The following PLXNA4 variants were observed in gnomAD, a reference collection of about 807,000 sequenced individuals.
PLXNA4 encodes the protein plexin-A4.
Under a neutral mutation model 191.8 loss-of-function variants are expected in PLXNA4, and 44 were observed. The ratio of observed to expected loss-of-function variants is 0.23; its 90% CI spans 0.18 to 0.29. The LOEUF (loss-of-function observed/expected upper bound fraction) is 0.29, where lower values mean the gene tolerates loss of function less well. PLXNA4 is among the 10% of genes least tolerant of loss of function. The probability of loss-of-function intolerance (pLI) is 1.00; values close to 1 mark genes in which losing one functional copy is unlikely to be tolerated. For missense variants in PLXNA4, 1,800 were observed against 2,488.8 expected (o/e 0.72, Z 5.89); for synonymous variants, 1,082 against 1,009.5 (o/e 1.07, Z -1.36).
At chr7:132,350,893 A>T (rs908666375) in intron 3 of PLXNA4, among the ~76,000 whole-genome samples, 2 of 152,264 alleles carry the variant, frequency 1.3e-5, no homozygotes, top group South Asian at 4.1e-4. Context: ...GCAAAAGTCC[A>T]TCAGATAAAG....
At chr7:132,501,118 T>C (rs1399475378) in intron 2 of PLXNA4, among the ~76,000 whole-genome samples, 1 of 151,880 alleles carries the variant, frequency 6.6e-6, no homozygotes, top group East Asian at 1.9e-4. Flanking sequence ...GAGAGAGAAA[T>C]CTCATTGTAC....
chr7:132,128,431 A>C lies in PLXNA4; in HGVS notation c.*2048T>G, dbSNP rs1034892539. 2.0e-5 allele frequency: 3 copies of C among 152,130 alleles called. No homozygotes were observed. Among genetic ancestry groups the C allele is most frequent in the Non-Finnish European group, 2.9e-5 (2 of 68,056 alleles). The allele number at this position is 152,130 out of a possible 1,614,324, so 9.4% of individuals were successfully genotyped here. ...CGGCAGGCGACCACCCTGATTTCCTATGGACAAGCGCCCTCTCCTTCCACC... is the reference window on the plus strand; with the variant it reads ...CGGCAGGCGACCACCCTGATTTCCTCTGGACAAGCGCCCTCTCCTTCCACC... On this transcript the variant is annotated 3_prime_UTR_variant, in exon 32 of 32. Transcript: ENST00000321063.
intron 3 of PLXNA4, among the ~76,000 whole-genome samples, chr7:132,326,503 C>A (rs1008257049): frequency 5.3e-5 from 8 of 152,036 alleles, no homozygotes; most frequent in African/African-American, 1.9e-4. Flanking sequence ...CTACTCTTGC[C>A]CCTGCTCATT....
intron 3 of PLXNA4, among the ~76,000 whole-genome samples, chr7:132,307,856 G>A (rs1195246234): frequency 1.3e-5 from 2 of 152,140 alleles, no homozygotes; most frequent in African/African-American, 4.8e-5. Context: ...CTGCAAGAGT[G>A]TAAACAATAA....
In PLXNA4 at chr7:132,624,213, C is replaced by T. The variant is rs576486070; in HGVS notation, c.-87+21715G>A. Among the ~76,000 whole-genome samples the T allele has an allele frequency of 7.5e-4, 114 of 152,286 alleles. 1 individual carries two copies. The Middle Eastern group carries it at 0.01, about 14-fold the overall frequency. ...ACCACATCTTCAGGCTCCAAGTACC[C>T]GGGCTCTTTATCCTACCCTCACTGC... On this transcript the variant is annotated intron_variant, in intron 2 of 4. Coordinates refer to the PLXNA4 transcript ENST00000378539.
intron 4 of PLXNA4, among the ~76,000 whole-genome samples, chr7:132,290,188 A>G (rs1053679582): frequency 6.6e-6 from 1 of 152,240 alleles, no homozygotes; most frequent in Non-Finnish European, 1.5e-5. Context: ...AGGACACCAT[A>G]AAAGATGGCT....
At chr7:132,580,199 A>AT (rs1416819021), upstream of PLXNA4, among the ~76,000 whole-genome samples, 10 of 152,070 alleles carry the variant, frequency 6.6e-5, no homozygotes, top group Non-Finnish European at 1.0e-4. Flanking sequence ...GTATCTTTTT[A>AT]TTTTTTTCAA....
At chr7:132,488,837 T>C (rs2117525353) in intron 3 of PLXNA4, among the ~76,000 whole-genome samples, 1 of 152,312 alleles carries the variant, frequency 6.6e-6, no homozygotes, top group Middle Eastern at 3.4e-3. Context: ...TTTGCAACTT[T>C]AATAGGTCTG....
In PLXNA4 at chr7:132,434,084, C is replaced by T. The variant is rs867334089; in HGVS notation, c.1371+55208G>A. ...GGCTGGTCTGCCCACCACTGCGCAG[C>T]CTTGCCTGACTCCAAGGACGCTTCC... On this transcript the variant is annotated intron_variant, in intron 3 of 31. Transcript: ENST00000321063. Among the ~76,000 whole-genome samples the T allele has an allele frequency of 6.9e-4, 105 of 152,352 alleles. 3 individuals carry two copies. The highest frequency in any genetic ancestry group is 2.2e-3 in the African/African-American group (93 of 41,584).
At chr7:132,203,161 A>G (rs953164500) in intron 11 of PLXNA4, among the ~76,000 whole-genome samples, 162 bp downstream of exon 11, 3 of 152,170 alleles carry the variant, frequency 2.0e-5, no homozygotes, top group Admixed American at 6.5e-5. Context: ...GTAACCTAGA[A>G]GCACAGATGG....
At position 132,444,517 on chromosome 7, in the gene PLXNA4, C is replaced by T. The variant is rs373116926; in HGVS notation, c.1371+44775G>A. Among the ~76,000 whole-genome samples, 5 of 152,358 alleles carry T rather than the reference C, an allele frequency of 3.3e-5. No homozygotes were observed. The South Asian group carries it at 8.3e-4, about 25-fold the overall frequency. ...AAGTGCTGGGATTACAGATGTGAGT[C>T]ACTGTGCCTGGCTGAATGTAACTAC... On this transcript the variant is annotated intron_variant, in intron 3 of 31. Transcript: ENST00000321063.
chr7:132,165,110 A>C (rs1796083925), intron 23 of PLXNA4, 24 bp downstream of exon 23: 1 of 1,610,238 alleles, frequency 6.2e-7, no homozygotes, highest in Non-Finnish European at 8.5e-7. Flanking sequence ...GCAAGGCCAG[A>C]AATACGTCCA....
intron 4 of PLXNA4, among the ~76,000 whole-genome samples, chr7:132,282,030 T>A (rs1246783266): frequency 1.3e-5 from 2 of 152,200 alleles, no homozygotes; most frequent in Non-Finnish European, 2.9e-5. Flanking sequence ...GATGTTGGGT[T>A]CCCAGCATCT....
rs146727125 is a variant in PLXNA4 at position 132,355,207 on chromosome 7, G to C, written c.1372-56985C>G. On this transcript the variant is annotated intron_variant, in intron 3 of 31. Coordinates refer to ENST00000321063, the MANE Select transcript of PLXNA4 (RefSeq NM_020911.2). ...TTCAGGATGTCAGTGGTGAGTTACC[G>C]CAGGGATGACGCTTCCTGCTAAGAG... is the stretch of plus-strand genomic sequence containing the variant. Among the ~76,000 whole-genome samples, 210 of 152,262 alleles carry C rather than the reference G, an allele frequency of 1.4e-3. 2 individuals are homozygous for C. Among genetic ancestry groups the C allele is most frequent in the Admixed American group, 8.5e-3 (130 of 15,300 alleles).
chr7:132,404,098 C>T (rs1454996346), intron 3 of PLXNA4, among the ~76,000 whole-genome samples: 1 of 152,106 alleles, frequency 6.6e-6, no homozygotes, highest in Non-Finnish European at 1.5e-5. Context: ...CCACGGGTCC[C>T]CAAGCACCTC....
chr7:132,581,344 C>A (rs1802399010), upstream of PLXNA4, among the ~76,000 whole-genome samples: 1 of 152,210 alleles, frequency 6.6e-6, no homozygotes, highest in South Asian at 2.1e-4. Context: ...CTGTTCCAGG[C>A]TTCCCTAGCA....
At chr7:132,266,127 T>C (rs1324807630) in intron 4 of PLXNA4, 3 of 151,862 alleles carry the variant, frequency 2.0e-5, no homozygotes, top group Admixed American at 2.0e-4. Flanking sequence ...AAAGAGAAGG[T>C]TTGGGGTAAG....
intron 28 of PLXNA4, 74 bp from the exon 29 acceptor site, chr7:132,145,362 C>T (rs1223575113): frequency 2.5e-6 from 4 of 1,591,186 alleles, no homozygotes; most frequent in Middle Eastern, 1.7e-4. Flanking sequence ...ACCTGCCTCA[C>T]AGACCTAGGC....
intron 3 of PLXNA4, among the ~76,000 whole-genome samples, chr7:132,342,258 A>T (rs901473210): frequency 6.7e-6 from 1 of 148,904 alleles, no homozygotes; most frequent in Non-Finnish European, 1.5e-5. Context: ...GCAACTAGAT[A>T]AAAAAAATAA....
Sources: allele counts gnomAD v4.1 joint callset (sites outside exome capture counted in the v4.1 genomes callset), GRCh38; gene constraint gnomAD v4.1.1; transcripts MANE v1.5; gene names NCBI Gene and HGNC (gene_info 2026-07-23, HGNC 2026-07-21).